GLIS3: variants seen among roughly 807,000 people sequenced by gnomAD.
GLIS3 encodes the protein zinc finger protein GLIS3.
Under a neutral mutation model 78.6 loss-of-function variants are expected in GLIS3, and 53 were observed. The observed-to-expected ratio is 0.67, with a 90% CI of 0.54 to 0.85. The LOEUF is 0.85. Among genes scored for constraint, GLIS3 ranks in the 40% least tolerant of loss-of-function variants. GLIS3 has a pLI of 0.00. For synonymous variants in GLIS3, 684 were observed against 509.9 expected (o/e 1.34, Z -4.60); for missense variants, 1,703 against 1,231.1 (o/e 1.38, Z -5.74).
the GLIS3 span, among the ~76,000 whole-genome samples, chr9:4,444,969 AC>A: frequency 6.6e-6 from 1 of 152,220 alleles, no homozygotes; most frequent in African/African-American, 2.4e-5. Context: ...TATTTTTTTC[AC>A]ATGGAACCTC....
the GLIS3 span, among the ~76,000 whole-genome samples, chr9:4,471,857 T>C: frequency 6.6e-6 from 1 of 152,174 alleles, no homozygotes; most frequent in Non-Finnish European, 1.5e-5. Flanking sequence ...AATCTACCCG[T>C]CTGACAGAGG....
At chr9:4,195,218 C>T (rs1425321846) in intron 2 of GLIS3, among the ~76,000 whole-genome samples, 1 of 152,238 alleles carries the variant, frequency 6.6e-6, no homozygotes, top group African/African-American at 2.4e-5. Context: ...AGCCCTTCAG[C>T]CCACCACTGC....
intron 2 of GLIS3, among the ~76,000 whole-genome samples, chr9:4,224,803 T>C (rs976625142): frequency 6.6e-6 from 1 of 152,032 alleles, no homozygotes; most frequent in African/African-American, 2.4e-5. Context: ...TATTTTCATT[T>C]ACTGACATCA....
chr9:3,948,031 C>G (rs1816416273), intron 4 of GLIS3, among the ~76,000 whole-genome samples: 1 of 152,194 alleles, frequency 6.6e-6, no homozygotes, highest in African/African-American at 2.4e-5. Flanking sequence ...GCGGCCATTA[C>G]AAAGGGGTGA....
intron 2 of GLIS3, among the ~76,000 whole-genome samples, chr9:4,222,798 A>G (rs572033742): frequency 3.3e-5 from 5 of 152,216 alleles, no homozygotes; most frequent in Non-Finnish European, 5.9e-5. Context: ...TAGCAAGTGC[A>G]TATGTTTGAG....
In GLIS3 at chr9:4,157,339, G is replaced by C. The variant is rs1835114978; in HGVS notation, c.389-31398C>G. 2.6e-5 allele frequency among the ~76,000 whole-genome samples: 4 copies of C among 152,138 alleles called. No individual in the cohort carries two copies. In the South Asian group the frequency reaches 8.3e-4, roughly 32 times the overall value. ...TGAACACCAAAGCAGGACTGATTTT[G>C]CCTGCTTCTGAAAATTCTCCGAGCT... is the stretch of plus-strand genomic sequence containing the variant. On this transcript the variant is annotated intron_variant, in intron 2 of 10. Transcript: ENST00000381971.
chr9:4,489,032 A>G, the GLIS3 span, among the ~76,000 whole-genome samples: 5 of 151,892 alleles, frequency 3.3e-5, no homozygotes, highest in Non-Finnish European at 7.4e-5. Context: ...ACGCCCGGCT[A>G]ATTTTTTTGT....
At position 3,827,104 on chromosome 9, in the gene GLIS3, G is replaced by C. The variant is rs902464941; in HGVS notation, c.*1168C>G. 2 of 152,220 alleles carry C rather than the reference G, an allele frequency of 1.3e-5. No homozygotes were observed. The highest frequency in any genetic ancestry group is 2.9e-5 in the Non-Finnish European group (2 of 68,052). 9.4% of individuals were successfully genotyped at this position (152,220 alleles called of 1,614,324 possible). A position where few individuals can be genotyped will look rare whatever the true frequency, so the allele number is the denominator to read the frequency against. Reference sequence around the variant, plus strand: ...TACCTTCCCAAGATGATCAGACAATGGCGGCTGGTGGGGATATATGAACCA... The same window carrying C: ...TACCTTCCCAAGATGATCAGACAATCGCGGCTGGTGGGGATATATGAACCA... On this transcript the variant is annotated 3_prime_UTR_variant, in exon 11 of 11. Coordinates refer to ENST00000381971, the MANE Select transcript of GLIS3 (RefSeq NM_001042413.2).
intron 2 of GLIS3, among the ~76,000 whole-genome samples, chr9:4,165,237 T>A (rs1201545399): frequency 6.6e-6 from 1 of 152,150 alleles, no homozygotes; most frequent in Admixed American, 6.5e-5. Flanking sequence ...GGTCAGGAGT[T>A]CGAGACCAGC....
At chr9:4,065,343 T>C (rs1827005301) in intron 4 of GLIS3, among the ~76,000 whole-genome samples, 1 of 152,242 alleles carries the variant, frequency 6.6e-6, no homozygotes, top group African/African-American at 2.4e-5. Flanking sequence ...GAAAGGGTTA[T>C]TTTTTAAGTA....
chr9:3,915,866 G>A (rs952009115), intron 6 of GLIS3, among the ~76,000 whole-genome samples: 24 of 152,082 alleles, frequency 1.6e-4, no homozygotes, highest in Admixed American at 2.6e-4. Context: ...TATATGCTGA[G>A]GGAAGGAAAA....
rs1051832191 is a variant in GLIS3 at position 3,994,568 on chromosome 9, T to C, written c.1711-57379A>G. On this transcript the variant is annotated intron_variant, in intron 4 of 10. Transcript: ENST00000381971. ...AATTATTAAAATATGTTTTTGAGTT[T>C]TTGCATAACTTGCCTGTATAATGAG... Among the ~76,000 whole-genome samples, 3 of 152,208 alleles carry C rather than the reference T, an allele frequency of 2.0e-5. No individual in the cohort carries two copies. The South Asian group carries it at 6.2e-4, about 31-fold the overall frequency.
intron 4 of GLIS3, among the ~76,000 whole-genome samples, chr9:4,015,937 T>C (rs1822398921): frequency 7.1e-6 from 1 of 140,836 alleles, no homozygotes; most frequent in Admixed American, 7.0e-5. Flanking sequence ...ACAACCGTCA[T>C]AACCAACCTG....
intron 4 of GLIS3, among the ~76,000 whole-genome samples, chr9:4,044,697 T>C (rs1488966115): frequency 6.6e-6 from 1 of 152,174 alleles, no homozygotes; most frequent in Non-Finnish European, 1.5e-5. Flanking sequence ...TGGGCATGAC[T>C]GAGGGTGACT....
At chr9:4,140,219 G>A (rs1033273015) in intron 2 of GLIS3, among the ~76,000 whole-genome samples, 4 of 152,004 alleles carry the variant, frequency 2.6e-5, no homozygotes, top group African/African-American at 9.7e-5. Flanking sequence ...AGCTACTTGT[G>A]GGGCTAAGGT....
rs1244719912 is a variant in GLIS3 at position 4,346,566 on chromosome 9, A to AAAAAGAGC, written n.264+507_264+514dup. Among the ~76,000 whole-genome samples, 7 of 152,228 alleles carry AAAAAGAGC rather than the reference A, an allele frequency of 4.6e-5. No homozygotes were observed. The East Asian group carries it at 1.3e-3, about 29-fold the overall frequency. ...CCACAAAATGTCAATCAACTGATAG[A>AAAAAGAGC]AAAAGAGCAGAATTGCCAGTCTCAG... On this transcript the variant is annotated intron_variant and non_coding_transcript_variant, in intron 2 of 4. Coordinates refer to the GLIS3 transcript ENST00000471664.
chr9:4,289,929 G>C (rs1288101689), intron 1 of GLIS3, among the ~76,000 whole-genome samples: 2 of 152,094 alleles, frequency 1.3e-5, no homozygotes, highest in South Asian at 2.1e-4. Context: ...AAACCATTTA[G>C]TAATTCCACT....
intron 8 of GLIS3, among the ~76,000 whole-genome samples, chr9:3,863,408 G>A (rs945657778): frequency 6.6e-6 from 1 of 152,214 alleles, no homozygotes; most frequent in African/African-American, 2.4e-5. Context: ...TGGGAAGTGT[G>A]GGTAATTGCA....
At chr9:4,355,376 C>T in the GLIS3 span, among the ~76,000 whole-genome samples, 3 of 152,088 alleles carry the variant, frequency 2.0e-5, no homozygotes, top group Non-Finnish European at 4.4e-5. Context: ...GAGGGGTAAG[C>T]ACATGGCTGA....
Sources: gnomAD v4.1 joint callset for allele counts (sites outside exome capture counted in the v4.1 genomes callset) on GRCh38, gnomAD v4.1.1 for gene constraint, MANE v1.5 for transcripts, NCBI Gene and HGNC (gene_info 2026-07-23, HGNC 2026-07-21) for gene names.